Variants in CHRM3 observed in about 807,000 individuals in gnomAD.
CHRM3 encodes muscarinic acetylcholine receptor M3.
Under a neutral mutation model 41.8 loss-of-function variants are expected in CHRM3, and 11 were observed. The observed-to-expected ratio is 0.26, with a 90% CI of 0.17 to 0.44. The LOEUF is 0.44. Ranked by LOEUF, CHRM3 falls within the 20% of genes least tolerant of loss-of-function variation. The probability of loss-of-function intolerance (pLI) is 1.00; values close to 1 mark genes in which losing one functional copy is unlikely to be tolerated. For missense variants in CHRM3, 571 were observed against 745.4 expected (o/e 0.77, Z 2.72); for synonymous variants, 297 against 301.4 (o/e 0.99, Z 0.15).
At chr1:239,587,283 G>A (rs1663524386) in intron 3 of CHRM3, among the ~76,000 whole-genome samples, 1 of 152,112 alleles carries the variant, frequency 6.6e-6, no homozygotes, top group Admixed American at 6.5e-5. Context: ...ACTTCCCATT[G>A]AAGGGACCAA....
intron 4 of CHRM3, among the ~76,000 whole-genome samples, chr1:239,636,172 A>T (rs1670445206): frequency 6.6e-6 from 1 of 152,204 alleles, no homozygotes; most frequent in Non-Finnish European, 1.5e-5. Context: ...CACAATGAGA[A>T]ATGTTTGTTG....
At chr1:239,465,172 A>G (rs766229603) in intron 1 of CHRM3, among the ~76,000 whole-genome samples, 1 of 152,186 alleles carries the variant, frequency 6.6e-6, no homozygotes, top group Non-Finnish European at 1.5e-5. Context: ...TTAAACACGC[A>G]TGGATAGGCC....
At chr1:239,771,524 A>G (rs1429863261) in intron 5 of CHRM3, among the ~76,000 whole-genome samples, 1 of 152,242 alleles carries the variant, frequency 6.6e-6, no homozygotes, top group East Asian at 1.9e-4. Context: ...TATTCGTTGC[A>G]GCCTTATTTG....
At chr1:239,540,376 A>C (rs1213873368) in intron 2 of CHRM3, among the ~76,000 whole-genome samples, 1 of 152,152 alleles carries the variant, frequency 6.6e-6, no homozygotes, top group African/African-American at 2.4e-5. Flanking sequence ...TTTCAGAGAA[A>C]ACTTCACTTC....
chr1:239,813,708 G>C (rs56121688), intron 5 of CHRM3, among the ~76,000 whole-genome samples: 35,744 of 136,096 alleles, frequency 0.26, 5,816 homozygotes, highest in African/African-American at 0.47. Context: ...ACGAGGTCAG[G>C]AGATCGAGAC....
chr1:239,562,935 A>C (rs1270849670), intron 3 of CHRM3, among the ~76,000 whole-genome samples: 1 of 151,192 alleles, frequency 6.6e-6, no homozygotes, highest in African/African-American at 2.4e-5. Flanking sequence ...GACAGGACTT[A>C]TGTTTTTCAC....
At chr1:239,776,993 G>A (rs1183677977) in intron 5 of CHRM3, among the ~76,000 whole-genome samples, 1 of 152,084 alleles carries the variant, frequency 6.6e-6, no homozygotes, top group Non-Finnish European at 1.5e-5. Context: ...GGGGATTATG[G>A]GAACTGCAGT....
At chr1:239,481,282 A>G (rs988566280) in intron 1 of CHRM3, among the ~76,000 whole-genome samples, 1 of 152,228 alleles carries the variant, frequency 6.6e-6, no homozygotes, top group Non-Finnish European at 1.5e-5. Context: ...TTAACTATGT[A>G]TAGACTACTA....
chr1:239,772,489 A>G (rs1225352671), intron 5 of CHRM3, among the ~76,000 whole-genome samples: 1 of 152,158 alleles, frequency 6.6e-6, no homozygotes, highest in Non-Finnish European at 1.5e-5. Flanking sequence ...ATGATTGTGT[A>G]TTATAGTTAT....
At chr1:239,461,953 A>C (rs1665393033) in intron 1 of CHRM3, among the ~76,000 whole-genome samples, 1 of 152,138 alleles carries the variant, frequency 6.6e-6, no homozygotes, top group Admixed American at 6.6e-5. Context: ...TGACAGGAAA[A>C]AATGACCGTC....
intron 3 of CHRM3, among the ~76,000 whole-genome samples, chr1:239,553,923 C>T (rs1171625872): frequency 1.3e-5 from 2 of 152,154 alleles, no homozygotes; most frequent in African/African-American, 4.8e-5. Flanking sequence ...GAGTCTCACT[C>T]TGTCGCCCAG....
At chr1:239,470,024 G>A (rs771122641) in intron 1 of CHRM3, among the ~76,000 whole-genome samples, 1 of 152,086 alleles carries the variant, frequency 6.6e-6, no homozygotes. Flanking sequence ...TGTGCCATTC[G>A]CCCTGTAGTG....
At chr1:239,857,851 A>C (rs1313939673) in intron 6 of CHRM3, among the ~76,000 whole-genome samples, 1 of 152,126 alleles carries the variant, frequency 6.6e-6, no homozygotes, top group Non-Finnish European at 1.5e-5. Flanking sequence ...GTCTTTAATC[A>C]TGTTTTGCCA....
At chr1:239,615,309 C>A (rs1015574996) in intron 3 of CHRM3, among the ~76,000 whole-genome samples, 5 of 152,146 alleles carry the variant, frequency 3.3e-5, no homozygotes, top group African/African-American at 1.2e-4. Context: ...AAGATCCAAG[C>A]AGCTTTTTCT....
intron 2 of CHRM3, among the ~76,000 whole-genome samples, chr1:239,531,965 G>A (rs1056630118): frequency 4.1e-5 from 6 of 145,628 alleles, no homozygotes; most frequent in Admixed American, 6.8e-5. Flanking sequence ...GGCCTAGAAT[G>A]GATATTTAAG....
At chr1:239,595,739 G>T (rs1664702134) in intron 3 of CHRM3, among the ~76,000 whole-genome samples, 1 of 152,116 alleles carries the variant, frequency 6.6e-6, no homozygotes. Flanking sequence ...CTCTAAAATG[G>T]TACATTTGCT....
chr1:239,406,136 C>T (rs553451827), intron 1 of CHRM3, among the ~76,000 whole-genome samples: 31 of 152,272 alleles, frequency 2.0e-4, no homozygotes, highest in African/African-American at 9.6e-5. Context: ...ATGATCTACT[C>T]GCCTAGGCCT....
intron 5 of CHRM3, among the ~76,000 whole-genome samples, chr1:239,761,157 C>A (rs1461596144): frequency 6.6e-6 from 1 of 152,088 alleles, no homozygotes; most frequent in Non-Finnish European, 1.5e-5. Context: ...TCAGCAGTTT[C>A]AAAATATGCT....
intron 1 of CHRM3, among the ~76,000 whole-genome samples, chr1:239,481,182 A>G (rs1666828102): frequency 6.6e-6 from 1 of 152,240 alleles, no homozygotes; most frequent in Admixed American, 6.5e-5. Context: ...GGTTGAGTAT[A>G]GGAACCTATA....
Sources: allele counts gnomAD v4.1 joint callset (sites outside exome capture counted in the v4.1 genomes callset), GRCh38; gene constraint gnomAD v4.1.1; transcripts MANE v1.5; gene names NCBI Gene and HGNC (gene_info 2026-07-23, HGNC 2026-07-21).